SYNPR: variants seen among roughly 807,000 people sequenced by gnomAD.
The protein encoded by SYNPR is synaptoporin.
A neutral mutation model predicts 32.9 loss-of-function variants in SYNPR; 23 were observed. The observed-to-expected ratio is 0.70, with a 90% CI of 0.50 to 0.99. The LOEUF (loss-of-function observed/expected upper bound fraction) is 0.99. Ranked by LOEUF, SYNPR falls within the 50% of genes least tolerant of loss-of-function variation. SYNPR has a pLI of 0.00. For missense variants in SYNPR, 318 were observed against 349.3 expected (o/e 0.91, Z 0.71); for synonymous variants, 146 against 135.9 (o/e 1.07, Z -0.52).
intron 4 of SYNPR, among the ~76,000 whole-genome samples, chr3:63,573,763 G>A (rs1702931751): frequency 6.6e-6 from 1 of 152,188 alleles, no homozygotes; most frequent in Non-Finnish European, 1.5e-5. Context: ...TCAGGACAGA[G>A]GATGTGTGAA....
At chr3:63,576,193 A>G (rs1218473546) in intron 4 of SYNPR, among the ~76,000 whole-genome samples, 1 of 152,152 alleles carries the variant, frequency 6.6e-6, no homozygotes, top group East Asian at 1.9e-4. Flanking sequence ...ATAGCCTTTG[A>G]GATTTCACAA....
At chr3:63,582,247 TA>T (rs757311217) in intron 4 of SYNPR, among the ~76,000 whole-genome samples, 1 of 152,154 alleles carries the variant, frequency 6.6e-6, no homozygotes, top group Non-Finnish European at 1.5e-5. Flanking sequence ...ATTACTTCTT[TA>T]GCTAAGTTCT....
chr3:63,493,399 C>T (rs1222156865), intron 3 of SYNPR, among the ~76,000 whole-genome samples: 1 of 152,110 alleles, frequency 6.6e-6, no homozygotes, highest in Non-Finnish European at 1.5e-5. Flanking sequence ...ATTCTTAATT[C>T]CCCTTCCAGT....
chr3:63,270,448 C>T (rs1022548451), intron 3 of SYNPR, among the ~76,000 whole-genome samples: 1 of 152,130 alleles, frequency 6.6e-6, no homozygotes, highest in Non-Finnish European at 1.5e-5. Context: ...AAGGGACATA[C>T]ACCGATTGAG....
chr3:63,289,425 C>G (rs530758482), intron 2 of SYNPR: 1 of 164,110 alleles, frequency 6.1e-6, no homozygotes, highest in Admixed American at 6.4e-5. Flanking sequence ...AGGCCTCAGG[C>G]TGCTTCCACT....
intron 2 of SYNPR, among the ~76,000 whole-genome samples, chr3:63,403,442 A>ACACG: frequency 3.2e-5 from 1 of 30,974 alleles, no homozygotes; most frequent in Middle Eastern, 0.019. Context: ...GTATACACAT[A>ACACG]CACACACACA....
the SYNPR span, among the ~76,000 whole-genome samples, chr3:63,203,776 C>G: frequency 4.6e-5 from 7 of 152,116 alleles, no homozygotes; most frequent in South Asian, 1.5e-3. Context: ...GTGGGCGGAT[C>G]ACCTGAGGTC....
At chr3:63,460,114 T>C (rs1700554174) in intron 2 of SYNPR, among the ~76,000 whole-genome samples, 1 of 152,142 alleles carries the variant, frequency 6.6e-6, no homozygotes, top group South Asian at 2.1e-4. Context: ...CATTTCTGAA[T>C]TCAAGTCTGC....
At chr3:63,602,075 T>A (rs966169031) in intron 4 of SYNPR, among the ~76,000 whole-genome samples, 1 of 152,234 alleles carries the variant, frequency 6.6e-6, no homozygotes, top group African/African-American at 2.4e-5. Flanking sequence ...GTGGTTTTGA[T>A]TTGCATTTCT....
At chr3:63,270,866 TCC>T (rs1203693570) in intron 3 of SYNPR, among the ~76,000 whole-genome samples, 72 of 49,302 alleles carry the variant, frequency 1.5e-3, no homozygotes, top group African/African-American at 4.7e-3. Flanking sequence ...CTTCTTTCCT[TCC>T]TTCCTTCCTT....
Position 63,408,265 on chromosome 3 carries a change from GAAAGAA to G in SYNPR, c.85-72565_85-72560del, listed in dbSNP as rs779860271. ...AGAAAGAAAGAAAGAAAGAAAGAAAGAAAGAAAGAAAGAGGAAGGAAGGAAGGAAGG... is the reference window on the plus strand; with the variant it reads ...AGAAAGAAAGAAAGAAAGAAAGAAAGAGAAAGAGGAAGGAAGGAAGGAAGG... On this transcript the variant is annotated intron_variant, in intron 2 of 5. Coordinates refer to ENST00000478300, the MANE Select transcript of SYNPR (RefSeq NM_001130003.2). Among the ~76,000 whole-genome samples, 347 of 119,626 alleles carry G rather than the reference GAAAGAA, an allele frequency of 2.9e-3. 6 individuals carry two copies. Among genetic ancestry groups the G allele is most frequent in the Middle Eastern group, 8.5e-3 (2 of 236 alleles). 78.5% of individuals were successfully genotyped at this position (119,626 alleles called of 152,430 possible).
chr3:63,272,034 A>C (rs1031498312), intron 3 of SYNPR, among the ~76,000 whole-genome samples: 8 of 152,138 alleles, frequency 5.3e-5, no homozygotes, highest in Admixed American at 2.6e-4. Flanking sequence ...AAAGACAATA[A>C]ATGACTTCTT....
At chr3:63,256,123 T>C (rs2086380698) in intron 2 of SYNPR, among the ~76,000 whole-genome samples, 1 of 152,192 alleles carries the variant, frequency 6.6e-6, no homozygotes, top group Non-Finnish European at 1.5e-5. Context: ...TGCCTGCCTC[T>C]GTAGGCTCCA....
At chr3:63,461,831 T>G (rs1170119484) in intron 2 of SYNPR, among the ~76,000 whole-genome samples, 4 of 152,022 alleles carry the variant, frequency 2.6e-5, no homozygotes, top group Non-Finnish European at 5.9e-5. Context: ...ATACCCATCT[T>G]GCAGGTATGT....
intron 4 of SYNPR, among the ~76,000 whole-genome samples, chr3:63,557,257 G>C (rs1702610864): frequency 6.6e-6 from 1 of 151,986 alleles, no homozygotes; most frequent in Admixed American, 6.6e-5. Context: ...CATACACCTA[G>C]GGGGACACAA....
chr3:63,232,192 C>CT (rs57078088), intron 1 of SYNPR, among the ~76,000 whole-genome samples: 1,645 of 59,454 alleles, frequency 0.028, 260 homozygotes, highest in Non-Finnish European at 0.037. Context: ...CAGATTCTGA[C>CT]TTTTTTTTTT....
chr3:63,545,072 A>G (rs1702376809), intron 3 of SYNPR, among the ~76,000 whole-genome samples: 1 of 151,956 alleles, frequency 6.6e-6, no homozygotes, highest in African/African-American at 2.4e-5. Flanking sequence ...TTGGACACAA[A>G]ATGGAGACAA....
At chr3:63,578,615 A>T (rs1703034439) in intron 4 of SYNPR, among the ~76,000 whole-genome samples, 1 of 152,174 alleles carries the variant, frequency 6.6e-6, no homozygotes, top group Non-Finnish European at 1.5e-5. Flanking sequence ...ATAGCTGGCA[A>T]TACTGACCAT....
At chr3:63,243,878 AAAAC>A (rs2086266375) in intron 1 of SYNPR, among the ~76,000 whole-genome samples, 1 of 152,088 alleles carries the variant, frequency 6.6e-6, no homozygotes, top group African/African-American at 2.4e-5. Flanking sequence ...AAAAAAAACA[AAAAC>A]AAAAACAAAA....
Sources: allele counts gnomAD v4.1 joint callset (sites outside exome capture counted in the v4.1 genomes callset), GRCh38; gene constraint gnomAD v4.1.1; transcripts MANE v1.5; gene names NCBI Gene and HGNC (gene_info 2026-07-23, HGNC 2026-07-21).